The following MMP26 variants were observed in gnomAD, a reference collection of about 807,000 sequenced individuals.
The protein encoded by MMP26 is matrix metallopeptidase 26.
In MMP26, 33 loss-of-function variants were observed where a neutral mutation model predicts 31.0. The observed-to-expected ratio is 1.06, with a 90% CI of 0.81 to 1.42. The LOEUF (loss-of-function observed/expected upper bound fraction) is 1.42. MMP26 is among the 40% of genes most tolerant of loss of function. MMP26 has a pLI of 0.00. For synonymous variants in MMP26, 122 were observed against 114.9 expected (o/e 1.06, Z -0.40); for missense variants, 347 against 316.1 (o/e 1.10, Z -0.74).
rs773528289 is a variant in MMP26 at position 4,923,401 on chromosome 11, C to T, written c.-144-64667C>T. 9 of 1,569,172 alleles carry T rather than the reference C, an allele frequency of 5.7e-6. No individual in the cohort carries two copies. The South Asian group carries it at 1.1e-4, about 19-fold the overall frequency. On this transcript the variant is annotated intron_variant, in intron 2 of 7. Coordinates refer to ENST00000380390, the MANE Select transcript of MMP26 (RefSeq NM_021801.5). The stretch of plus-strand genomic sequence containing the variant: ...AATCCTTCCAAAAACACCTAAGTGA[C>T]TTTATAAACTGAAACTTCTTAATGA...
At chr11:4,980,183 T>C (rs1846792797) in intron 2 of MMP26, among the ~76,000 whole-genome samples, 1 of 152,090 alleles carries the variant, frequency 6.6e-6, no homozygotes, top group South Asian at 2.1e-4. Context: ...CAGTTTTTCT[T>C]TTTCCTGAGT....
chr11:4,725,798 T>C (rs1848091155), intron 1 of MMP26, among the ~76,000 whole-genome samples: 1 of 152,146 alleles, frequency 6.6e-6, no homozygotes, highest in Non-Finnish European at 1.5e-5. Context: ...AGAGTTTCTG[T>C]GGTGGTAGAG....
chr11:4,989,399 C>A (rs1846958362), intron 3 of MMP26, among the ~76,000 whole-genome samples: 1 of 152,110 alleles, frequency 6.6e-6, no homozygotes, highest in Non-Finnish European at 1.5e-5. Flanking sequence ...AACTTGGAAG[C>A]TTTTTCTTTT....
At chr11:4,813,613 A>C (rs944777259) in intron 2 of MMP26, among the ~76,000 whole-genome samples, 7 of 135,196 alleles carry the variant, frequency 5.2e-5, no homozygotes, top group African/African-American at 9.2e-5. Context: ...AATCAGTATG[A>C]AAAAAACAAA....
At chr11:4,882,560 G>A (rs763704073) in intron 2 of MMP26, 2 of 1,613,810 alleles carry the variant, frequency 1.2e-6, no homozygotes, top group Admixed American at 3.3e-5. Flanking sequence ...TTTCTCCTAT[G>A]TCCTGATCCT....
intron 2 of MMP26, among the ~76,000 whole-genome samples, chr11:4,773,126 C>T (rs1042351349): frequency 1.3e-4 from 20 of 152,148 alleles, no homozygotes; most frequent in South Asian, 2.1e-4. Context: ...ATATCTGTGA[C>T]GGTCAGATTG....
chr11:4,741,815 A>G (rs774400868), intron 1 of MMP26, among the ~76,000 whole-genome samples: 66 of 152,174 alleles, frequency 4.3e-4, no homozygotes, highest in Non-Finnish European at 3.5e-4. Context: ...ACCAAAAACA[A>G]CAAGAAAAAG....
chr11:4,813,518 C>T (rs1849379006), intron 2 of MMP26, among the ~76,000 whole-genome samples: 1 of 152,096 alleles, frequency 6.6e-6, no homozygotes, highest in Admixed American at 6.6e-5. Context: ...GGAGCCACCA[C>T]ACACTGCCAG....
At chr11:4,865,865 G>C (rs999131555) in intron 2 of MMP26, among the ~76,000 whole-genome samples, 2 of 152,084 alleles carry the variant, frequency 1.3e-5, no homozygotes, top group Non-Finnish European at 2.9e-5. Context: ...ACATTTTACA[G>C]GGAGAACCTG....
At chr11:4,811,702 A>G (rs75575600) in intron 2 of MMP26, among the ~76,000 whole-genome samples, 2,218 of 152,148 alleles carry the variant, frequency 0.015, 30 homozygotes, top group South Asian at 0.033. Context: ...TCAACAGAAT[A>G]TGACATCCAG....
At chr11:4,946,767 G>A (rs757621278) in intron 2 of MMP26, 2 of 1,587,628 alleles carry the variant, frequency 1.3e-6, no homozygotes, top group Non-Finnish European at 1.7e-6. Flanking sequence ...GAGGACTCCA[G>A]TACTGAGAAT....
intron 2 of MMP26, among the ~76,000 whole-genome samples, chr11:4,796,944 T>C (rs1178096670): frequency 1.3e-5 from 2 of 152,066 alleles, no homozygotes; most frequent in Non-Finnish European, 2.9e-5. Context: ...CGGGCTCCTG[T>C]ACTCACCTGC....
intron 2 of MMP26, among the ~76,000 whole-genome samples, chr11:4,852,013 G>A (rs1849982515): frequency 6.6e-6 from 1 of 152,004 alleles, no homozygotes; most frequent in Middle Eastern, 3.2e-3. Context: ...ATGTAGAATA[G>A]AAAAGCAAGT....
chr11:4,711,761 C>T (rs1312156772), intron 1 of MMP26: 2 of 152,148 alleles, frequency 1.3e-5, no homozygotes, highest in African/African-American at 4.8e-5. Context: ...AAATGGAACC[C>T]ACAAATTTGC....
rs533319104 is a variant in MMP26, at chr11:4,863,983, T to G, written c.-145+96642T>G. On this transcript the variant is annotated intron_variant, in intron 2 of 7. Coordinates refer to ENST00000380390, the MANE Select transcript of MMP26 (RefSeq NM_021801.5). ...ATGCACGCACACACACTAATTTGAA[T>G]CATGTTTAATCACTAAGTAAGACTT... is the stretch of plus-strand genomic sequence containing the variant. Among the ~76,000 whole-genome samples, 9 of 152,268 alleles carry G rather than the reference T, an allele frequency of 5.9e-5. No homozygotes were observed. The South Asian group carries it at 1.4e-3, about 25-fold the overall frequency.
intron 2 of MMP26, among the ~76,000 whole-genome samples, chr11:4,815,254 T>G (rs1849405338): frequency 6.6e-6 from 1 of 152,128 alleles, no homozygotes; most frequent in African/African-American, 2.4e-5. Context: ...TTGTCTCAGG[T>G]GAGCAAAGGG....
intron 2 of MMP26, among the ~76,000 whole-genome samples, chr11:4,846,101 C>T (rs890637881): frequency 1.3e-5 from 2 of 152,164 alleles, no homozygotes; most frequent in Admixed American, 1.3e-4. Context: ...TATCTGCACT[C>T]CCATGTTTGC....
At chr11:4,881,777 C>A in intron 2 of MMP26, 1 of 903,108 alleles carries the variant, frequency 1.1e-6, no homozygotes, top group Non-Finnish European at 1.7e-6. Context: ...TTCTTTAAAA[C>A]AGAAGAAAAA....
chr11:4,723,290 C>T (rs1264449332), intron 1 of MMP26: 2 of 1,011,948 alleles, frequency 2.0e-6, no homozygotes, highest in African/African-American at 3.2e-5. Context: ...CGCTGCGGGT[C>T]ATCCTCCTGC....
Sources: allele counts gnomAD v4.1 joint callset (sites outside exome capture counted in the v4.1 genomes callset), GRCh38; gene constraint gnomAD v4.1.1; transcripts MANE v1.5; gene names NCBI Gene and HGNC (gene_info 2026-07-23, HGNC 2026-07-21).